The following SLC7A10 variants were observed in gnomAD, a reference collection of about 807,000 sequenced individuals.
SLC7A10 encodes asc-type amino acid transporter 1.
A neutral mutation model predicts 52.7 loss-of-function variants in SLC7A10; 30 were observed. The observed-to-expected ratio is 0.57, with a 90% confidence interval of 0.43 to 0.77. The LOEUF is 0.77. SLC7A10 is among the 30% of genes least tolerant of loss of function. The pLI is 0.00. For synonymous variants in SLC7A10, 318 were observed against 314.9 expected, an observed-to-expected ratio of 1.01 and a Z score of -0.10; for missense variants, 581 against 698.5, an observed-to-expected ratio of 0.83 and a Z score of 1.90.
chr19:33,208,969 G>A lies in SLC7A10; in HGVS notation c.1494C>T (p.Asp498=), dbSNP rs758217073. The change falls in exon 11 of 11, where the codon GAC becomes GAT. Residue 498 remains aspartate (D), a synonymous_variant. Coordinates refer to ENST00000253188, the MANE Select transcript of SLC7A10 (RefSeq NM_019849.3). This position sits in a 1 kb window ranked among gnomAD's most constrained non-coding sequence, Gnocchi z 4.7. ...QELCFVVYPQ[D]APEEEENGPC... ...GGCCATTCTCCTCCTCTTCGGGGGCGTCCTGGGGGTAGACCACGAAACACA... is the reference window on the plus strand; with the variant it reads ...GGCCATTCTCCTCCTCTTCGGGGGCATCCTGGGGGTAGACCACGAAACACA... 1.4e-5 allele frequency: 23 copies of A among 1,613,816 alleles called. No homozygotes were observed. Among genetic ancestry groups the A allele is most frequent in the Non-Finnish European group, 1.7e-5 (20 of 1,180,032 alleles).
At chr19:33,216,028 C>A (rs1202124595) in intron 1 of SLC7A10, 55 bp from the exon 2 acceptor site, 3 of 1,454,664 alleles carry the variant, frequency 2.1e-6, no homozygotes, top group African/African-American at 1.4e-5. Context: ...CGCAGCCCGG[C>A]CTTCTGTGTG....
At chr19:33,224,049 G>A (rs562203459) in intron 1 of SLC7A10, among the ~76,000 whole-genome samples, 1 of 152,058 alleles carries the variant, frequency 6.6e-6, no homozygotes, top group Non-Finnish European at 1.5e-5. Context: ...GGGAGGATGG[G>A]ATGTGGGGAG....
chr19:33,224,458 T>A (rs1431103377), intron 1 of SLC7A10, among the ~76,000 whole-genome samples: 1 of 152,076 alleles, frequency 6.6e-6, no homozygotes, highest in East Asian at 1.9e-4. Flanking sequence ...GAAGAGCTGC[T>A]AATGTGGGGG....
chr19:33,211,680 C>T (rs941148605), intron 5 of SLC7A10, 143 bp from the exon 6 acceptor site: 37 of 1,481,060 alleles, frequency 2.5e-5, no homozygotes, highest in South Asian at 1.2e-4. Context: ...CATTGCTGCC[C>T]GAGACACAGG....
rs34663170 is a variant in SLC7A10, at chr19:33,210,492, C to G, written c.1238G>C (p.Arg413Pro). 11 of 1,603,648 alleles carry G rather than the reference C, an allele frequency of 6.9e-6. No individual in the cohort carries two copies. The Admixed American group carries it at 1.2e-4, about 17-fold the overall frequency. The change falls in exon 9 of 11, where the codon CGG (arginine) becomes CCG (proline). Residue 413 changes from arginine (R) to proline (P), a missense_variant. Transcript: ENST00000253188. This position sits in a 1 kb window ranked among gnomAD's most constrained non-coding sequence, Gnocchi z 5.6. ...CTTGATGGGCCTGTGGAGTGCAGGC[C>G]GCCTCCAGCGCAGCAGCAGCAGGCC... is the stretch of plus-strand genomic sequence containing the variant. ...ILGLLLLRWR[R>P]PALHRPIKVN...
chr19:33,213,117 C>T (rs1370355874), intron 2 of SLC7A10, 115 bp from the exon 3 acceptor site: 5 of 1,404,380 alleles, frequency 3.6e-6, no homozygotes, highest in Middle Eastern at 2.4e-4. Context: ...GCTGGCGAGG[C>T]TGCCAGAGGC....
intron 3 of SLC7A10, 102 bp downstream of exon 3, chr19:33,212,749 T>G (rs1311951772): frequency 3.1e-6 from 5 of 1,605,898 alleles, no homozygotes; most frequent in Admixed American, 1.7e-5. Context: ...GCAGCTGGAA[T>G]TTTCTGAAGG....
At chr19:33,224,211 G>A (rs756629452) in intron 1 of SLC7A10, among the ~76,000 whole-genome samples, 1 of 152,146 alleles carries the variant, frequency 6.6e-6, no homozygotes, top group Non-Finnish European at 1.5e-5. Context: ...CCCCTTCCCT[G>A]GAGGACAGTT....
chr19:33,211,307 C>A lies in SLC7A10; in HGVS notation c.934G>T (p.Gly312Cys). The change falls in exon 7 of 11, where the codon GGC (glycine) becomes TGC (cysteine). Residue 312 changes from glycine to cysteine, a missense_variant. By Grantham distance (159) the Gly-to-Cys change is radical. Coordinates refer to ENST00000253188, the MANE Select transcript of SLC7A10 (RefSeq NM_019849.3). ...ACAGGCATGACCCAAGAAAAGTAGC[C>A]CAGCAGCTTCTCCCCGAAGGTCTGG... is the stretch of plus-strand genomic sequence containing the variant. The part of the protein sequence containing the change: ...VAVTFGEKLL[G>C]YFSWVMPVSV... The A allele has an allele frequency of 1.2e-6, 2 of 1,614,050 alleles. No homozygotes were observed. The highest frequency in any genetic ancestry group is 1.7e-6 in the Non-Finnish European group (2 of 1,180,016).
intron 1 of SLC7A10, among the ~76,000 whole-genome samples, chr19:33,218,524 C>T (rs1395702401): frequency 6.6e-6 from 1 of 151,422 alleles, no homozygotes; most frequent in African/African-American, 2.4e-5. Flanking sequence ...CTCCCGGCAC[C>T]ATGAAGGATG....
At position 33,209,391 on chromosome 19, in the gene SLC7A10, A is replaced by C. The variant is rs1392844213; in HGVS notation, c.1358T>G (p.Val453Gly). The C allele has an allele frequency of 1.9e-6, 3 of 1,613,914 alleles. No homozygotes were observed. ...GGGCACCCCCGTAAGGATGATGATGACGCCGACCCCACAGACCATAGGCTC... is the reference window on the plus strand; with the variant it reads ...GGGCACCCCCGTAAGGATGATGATGCCGCCGACCCCACAGACCATAGGCTC... Reference protein sequence around the residue: ...ISEPMVCGVGVIIILTGVPIF... With the variant: ...ISEPMVCGVGGIIILTGVPIF... The change falls in exon 10 of 11, where the codon GTC (valine) becomes GGC (glycine). Residue 453 changes from valine to glycine, a missense_variant. Physicochemically the swap from Val to Gly is moderately radical, Grantham distance 109. Coordinates refer to ENST00000253188, the MANE Select transcript of SLC7A10 (RefSeq NM_019849.3).
intron 1 of SLC7A10, among the ~76,000 whole-genome samples, chr19:33,222,464 T>TAAAATAAAATA (rs1555734454): frequency 1.9e-5 from 2 of 106,526 alleles, no homozygotes; most frequent in African/African-American, 8.1e-5. Flanking sequence ...TAAAATAAAA[T>TAAAATAAAATA]AAATAAAATA....
intron 5 of SLC7A10, chr19:33,212,061 C>T: frequency 1.6e-6 from 1 of 617,786 alleles, no homozygotes. Flanking sequence ...GATATTCAGC[C>T]TTTCTGAGGC....
At position 33,215,972 on chromosome 19, in the gene SLC7A10, C is replaced by T. The variant is rs1974673541; in HGVS notation, c.153G>A (p.Gly51=). Residue 51 remains glycine (G), a splice_region_variant and synonymous_variant, in exon 2 of 11, where the codon GGG becomes GGA. Coordinates refer to ENST00000253188, the MANE Select transcript of SLC7A10 (RefSeq NM_019849.3). ...GLLSACTIII[G]NIIGSGIFIS... is the part of the protein sequence containing the mutation. ...TGAAGATGCCCGAGCCGATGATGTT[C>T]CCTGCAGGGGGAGAGATGGGGAGGC... The T allele has an allele frequency of 6.3e-7, 1 of 1,582,264 alleles. No individual in the cohort carries two copies. The highest frequency in any genetic ancestry group is 8.6e-7 in the Non-Finnish European group (1 of 1,157,582).
At chr19:33,221,306 A>T (rs1974806427) in intron 1 of SLC7A10, 1 of 151,528 alleles carries the variant, frequency 6.6e-6, no homozygotes, top group South Asian at 2.1e-4. Context: ...TTGTTGCGGG[A>T]CTCCCACACC....
In SLC7A10 at chr19:33,225,802, G is replaced by A. The variant is rs1173498390; in HGVS notation, c.-99C>T. 3 of 1,290,966 alleles carry A rather than the reference G, an allele frequency of 2.3e-6. No homozygotes were observed. The highest frequency in any genetic ancestry group is 3.0e-6 in the Non-Finnish European group (3 of 1,013,160). 80.0% of individuals were successfully genotyped at this position (1,290,966 alleles called of 1,614,324 possible). ...CCGTGAGCTCACGGCCCTCGCAGCC[G>A]GGACAGCGCCCACAGGCGGGCGCAT... On this transcript the variant is annotated 5_prime_UTR_variant, in exon 1 of 11. Coordinates refer to ENST00000253188, the MANE Select transcript of SLC7A10 (RefSeq NM_019849.3).
At chr19:33,224,414 GC>G (rs2145497189) in intron 1 of SLC7A10, among the ~76,000 whole-genome samples, 1 of 152,254 alleles carries the variant, frequency 6.6e-6, no homozygotes, top group East Asian at 1.9e-4. Context: ...GAGTGACCTG[GC>G]CAGGGGCTGT....
chr19:33,215,607 G>GCCCCCACACCTTCTCTCCATCCAC lies in SLC7A10; in HGVS notation c.356+138_356+161dup, dbSNP rs536559713. Among the ~76,000 whole-genome samples, 721 of 110,274 alleles carry GCCCCCACACCTTCTCTCCATCCAC rather than the reference G, an allele frequency of 6.5e-3. 7 individuals carry two copies. The highest frequency in any genetic ancestry group is 0.023 in the African/African-American group (607 of 26,608). The allele number at this position is 110,274 out of a possible 152,430, so 72.3% of individuals were successfully genotyped here. On this transcript the variant is annotated intron_variant, in intron 2 of 10. Transcript: ENST00000253188. The stretch of plus-strand genomic sequence containing the variant: ...CACCCCCACACCTTCTCTCCATCCA[G>GCCCCCACACCTTCTCTCCATCCAC]CCCCCACACCTTCTCTCCATCCACC...
At chr19:33,223,364 G>A (rs926492372) in intron 1 of SLC7A10, among the ~76,000 whole-genome samples, 7 of 151,580 alleles carry the variant, frequency 4.6e-5, no homozygotes, top group Non-Finnish European at 5.9e-5. Context: ...GAAGCAGGAC[G>A]TCAAGTTCTT....
Sources: allele counts gnomAD v4.1 joint callset (sites outside exome capture counted in the v4.1 genomes callset), GRCh38; gene constraint gnomAD v4.1.1; non-coding constraint Gnocchi (gnomAD v3.1); transcripts MANE v1.5; gene names NCBI Gene and HGNC (gene_info 2026-07-23, HGNC 2026-07-21).